MYO5B: variants seen among roughly 807,000 people sequenced by gnomAD.
MYO5B encodes unconventional myosin-Vb.
Under a neutral mutation model 229.3 loss-of-function variants are expected in MYO5B, and 143 were observed. The ratio of observed to expected loss-of-function variants is 0.62; its 90% confidence interval spans 0.54 to 0.72. The LOEUF is 0.72. Ranked by LOEUF, MYO5B falls within the 30% of genes least tolerant of loss-of-function variation. MYO5B has a pLI of 0.00. For synonymous variants in MYO5B, 918 were observed against 885.2 expected (o/e 1.04, Z -0.66); for missense variants, 2,321 against 2,331.0 (o/e 1.00, Z 0.09).
chr18:49,990,313 A>G, intron 7 of MYO5B, 126 bp downstream of exon 7: 1 of 741,016 alleles, frequency 1.3e-6, no homozygotes, highest in Non-Finnish European at 2.4e-6. Flanking sequence ...CCTAGGGGTT[A>G]TGGCCACATA....
chr18:50,002,348 G>T (rs1027354461), intron 4 of MYO5B, among the ~76,000 whole-genome samples: 1 of 152,100 alleles, frequency 6.6e-6, no homozygotes, highest in Non-Finnish European at 1.5e-5. Flanking sequence ...AGGGCAGGAA[G>T]AAGATACTCT....
chr18:49,907,704 T>C (rs1029286055), intron 18 of MYO5B, among the ~76,000 whole-genome samples: 2 of 152,270 alleles, frequency 1.3e-5, no homozygotes, highest in Non-Finnish European at 2.9e-5. Flanking sequence ...ATTGGGTTAC[T>C]AGGAGTCGGG....
rs374347796 is a variant in MYO5B, at chr18:49,902,822, C to T, written c.2583G>A (p.Glu861=). 7.8e-5 allele frequency: 125 copies of T among 1,600,434 alleles called. No homozygotes were observed. Among genetic ancestry groups the T allele is most frequent in the Non-Finnish European group, 1.0e-4 (122 of 1,179,902 alleles). The part of the protein sequence containing the change: ...VRRTYRQVLM[E]HKATTIQKHV... Reference sequence around the variant, plus strand: ...GCTTCTGGATGGTGGTGGCCTTGTGCTCCATGAGGACCTGGCGGGAAACAA... The same window carrying T: ...GCTTCTGGATGGTGGTGGCCTTGTGTTCCATGAGGACCTGGCGGGAAACAA... Residue 861 remains glutamate (E), a synonymous_variant, in exon 21 of 40, where the codon GAG becomes GAA. Transcript: ENST00000285039.
intron 9 of MYO5B, among the ~76,000 whole-genome samples, 183 bp from the exon 10 acceptor site, chr18:49,974,798 G>GACACACACACACACAGACACACACAC (rs1555648481): frequency 7.6e-6 from 1 of 130,996 alleles, no homozygotes; most frequent in African/African-American, 2.8e-5. Context: ...CACACACACA[G>GACACACACACACACAGACACACACAC]ACACACACAC....
At chr18:49,903,305 A>G (rs2024864961) in intron 20 of MYO5B, among the ~76,000 whole-genome samples, 1 of 152,136 alleles carries the variant, frequency 6.6e-6, no homozygotes, top group South Asian at 2.1e-4. Context: ...AAAACCACTC[A>G]GGATATGAAA....
At chr18:50,091,782 T>C (rs1329762747) in intron 1 of MYO5B, among the ~76,000 whole-genome samples, 1 of 152,220 alleles carries the variant, frequency 6.6e-6, no homozygotes, top group Non-Finnish European at 1.5e-5. Flanking sequence ...CAGATTTAAA[T>C]GCCTATTTGT....
chr18:50,105,244 TAAATA>T (rs767250723), intron 1 of MYO5B, among the ~76,000 whole-genome samples: 42 of 129,572 alleles, frequency 3.2e-4, no homozygotes, highest in South Asian at 2.5e-3. Context: ...AATAAATAAA[TAAATA>T]AAAAATAGAT....
intron 29 of MYO5B, among the ~76,000 whole-genome samples, chr18:49,858,341 A>AC (rs5824808): frequency 0.64 from 97,987 of 152,136 alleles, 31,997 homozygotes; most frequent in Admixed American, 0.76. Flanking sequence ...GACTGTAGGC[A>AC]CCACTGCAGT....
chr18:50,135,911 G>A (rs967562987), intron 1 of MYO5B, among the ~76,000 whole-genome samples: 1 of 152,198 alleles, frequency 6.6e-6, no homozygotes, highest in East Asian at 1.9e-4. Context: ...AATTTACAAT[G>A]CGCTTTTCAT....
At chr18:49,965,172 AGGTTCT>A (rs1361491744) in intron 10 of MYO5B, among the ~76,000 whole-genome samples, 2 of 152,176 alleles carry the variant, frequency 1.3e-5, no homozygotes, top group African/African-American at 4.8e-5. Context: ...ACCAATAGAA[AGGTTCT>A]GGGCATGAAG....
chr18:50,150,023 G>T (rs1233991928), intron 1 of MYO5B, among the ~76,000 whole-genome samples: 1 of 149,828 alleles, frequency 6.7e-6, no homozygotes, highest in Non-Finnish European at 1.5e-5. Flanking sequence ...GTGGGCGAAG[G>T]ACATGAACAG....
intron 5 of MYO5B, among the ~76,000 whole-genome samples, chr18:49,995,689 G>A (rs1366558865): frequency 6.6e-6 from 1 of 152,128 alleles, no homozygotes; most frequent in Non-Finnish European, 1.5e-5. Flanking sequence ...GTTGGTAAGG[G>A]GACGTTTCTC....
intron 4 of MYO5B, among the ~76,000 whole-genome samples, chr18:50,003,994 A>C (rs2026074821): frequency 1.3e-5 from 2 of 152,158 alleles, no homozygotes. Flanking sequence ...GACCCAGTTG[A>C]CAGGTTACAC....
Position 49,856,875 on chromosome 18 carries a change from C to T in MYO5B, c.3960G>A (p.Trp1320Ter). 2 of 1,614,108 alleles carry T rather than the reference C, an allele frequency of 1.2e-6. No homozygotes were observed. Among genetic ancestry groups the T allele is most frequent in the East Asian group, 2.2e-5 (1 of 44,888 alleles). ...GTTCTCCATCTTCATTTAAATATCC[C>T]CAATCCTCAGTCTTGCTAGAAACAA... The part of the protein sequence containing the change: ...VCQTNSKTED[W>*]GYLNEDGELG... Residue 1320 changes from tryptophan (W) to a stop codon, truncating the protein, a stop_gained, in exon 30 of 40, where the codon TGG becomes TGA. Transcript: ENST00000285039. LOFTEE classifies it high-confidence loss of function.
intron 21 of MYO5B, among the ~76,000 whole-genome samples, chr18:49,900,334 C>T (rs2024827502): frequency 6.6e-6 from 1 of 152,232 alleles, no homozygotes; most frequent in Non-Finnish European, 1.5e-5. Flanking sequence ...CCTCCCTGAC[C>T]TGGTGTATCA....
intron 14 of MYO5B, among the ~76,000 whole-genome samples, chr18:49,939,384 T>G (rs1598897631): frequency 6.6e-6 from 1 of 152,234 alleles, no homozygotes; most frequent in African/African-American, 2.4e-5. Context: ...GACCTCGTGA[T>G]CCGCCCGCCT....
At chr18:50,132,238 G>C (rs574814782) in intron 1 of MYO5B, among the ~76,000 whole-genome samples, 1 of 152,310 alleles carries the variant, frequency 6.6e-6, no homozygotes, top group African/African-American at 2.4e-5. Flanking sequence ...GGAAATTTAA[G>C]AACATTTGGG....
At chr18:50,074,537 A>T (rs1328101056) in intron 1 of MYO5B, among the ~76,000 whole-genome samples, 3 of 152,136 alleles carry the variant, frequency 2.0e-5, no homozygotes, top group South Asian at 2.1e-4. Flanking sequence ...GCACACTGCA[A>T]TTCTAGCTCG....
At chr18:50,068,763 C>T (rs1164701490) in intron 1 of MYO5B, among the ~76,000 whole-genome samples, 5 of 152,170 alleles carry the variant, frequency 3.3e-5, no homozygotes, top group African/African-American at 4.8e-5. Context: ...AATAGCAAAA[C>T]GGCATTGGAC....
Sources: allele counts gnomAD v4.1 joint callset (sites outside exome capture counted in the v4.1 genomes callset), GRCh38; gene constraint gnomAD v4.1.1; transcripts MANE v1.5; gene names NCBI Gene and HGNC (gene_info 2026-07-23, HGNC 2026-07-21).